The following GRM1 variants were observed in gnomAD, a reference collection of about 807,000 sequenced individuals.
GRM1 encodes metabotropic glutamate receptor 1.
In GRM1, 33 loss-of-function variants were observed where a neutral mutation model predicts 90.9. That is an observed-to-expected ratio of 0.36 (90% CI 0.28 to 0.49). The LOEUF (loss-of-function observed/expected upper bound fraction) is 0.49, where lower values mean the gene tolerates loss of function less well. GRM1 is among the 20% of genes least tolerant of loss of function. The pLI is 0.99. For synonymous variants in GRM1, 700 were observed against 613.2 expected (o/e 1.14, Z -2.09); for missense variants, 1,190 against 1,534.3 (o/e 0.78, Z 3.75).
chr6:146,262,364 C>G (rs1410736249), intron 2 of GRM1, among the ~76,000 whole-genome samples: 5 of 151,974 alleles, frequency 3.3e-5, no homozygotes, highest in Non-Finnish European at 7.4e-5. Flanking sequence ...CATCTCACAG[C>G]ATATACCAAA....
intron 1 of GRM1, among the ~76,000 whole-genome samples, chr6:146,147,863 T>C (rs1450212061): frequency 2.6e-5 from 4 of 152,064 alleles, no homozygotes; most frequent in Non-Finnish European, 5.9e-5. Context: ...CTCAGTCTCA[T>C]TGAGTCTTCA....
chr6:146,059,552 C>CT (rs1775592910), intron 1 of GRM1, among the ~76,000 whole-genome samples: 1 of 152,122 alleles, frequency 6.6e-6, no homozygotes, highest in South Asian at 2.1e-4. Flanking sequence ...AACTTAAAGT[C>CT]AACAGTTGCA....
At chr6:146,137,333 G>C (rs1250631198) in intron 1 of GRM1, among the ~76,000 whole-genome samples, 1 of 152,142 alleles carries the variant, frequency 6.6e-6, no homozygotes, top group Non-Finnish European at 1.5e-5. Flanking sequence ...ATTTTGGTTT[G>C]ATTATTGTAT....
chr6:146,080,579 C>T (rs892277134), intron 1 of GRM1, among the ~76,000 whole-genome samples: 1 of 152,086 alleles, frequency 6.6e-6, no homozygotes, highest in African/African-American at 2.4e-5. Flanking sequence ...GCAAGGGGCC[C>T]CTACCCTAGT....
intron 7 of GRM1, among the ~76,000 whole-genome samples, chr6:146,418,748 T>TATTCAGTC (rs201265219): frequency 0.018 from 2,792 of 152,252 alleles, 37 homozygotes; most frequent in South Asian, 0.028. Context: ...TGTTTTGATT[T>TATTCAGTC]ATTCAGTCAT....
chr6:146,042,779 A>G (rs942922308), intron 1 of GRM1, among the ~76,000 whole-genome samples: 4 of 151,998 alleles, frequency 2.6e-5, no homozygotes, highest in Admixed American at 1.3e-4. Flanking sequence ...AGTTACAAGC[A>G]AGAAGTCTCA....
intron 1 of GRM1, among the ~76,000 whole-genome samples, chr6:146,130,620 G>A (rs1365431059): frequency 6.6e-6 from 1 of 151,946 alleles, no homozygotes; most frequent in African/African-American, 2.4e-5. Context: ...AATTTATTCA[G>A]TATTTCCAGA....
In GRM1 at chr6:146,434,649, G is replaced by A; in HGVS notation, c.3438G>A (p.Thr1146=). ...KLTPDDSPAL[T]PPSPFRDSVA... ...CCCCGGATGATTCGCCTGCGCTGAC[G>A]CCTCCGTCGCCTTTCCGCGACTCGG... Residue 1146 remains threonine, a synonymous_variant, in exon 8 of 8, where the codon ACG becomes ACA. Coordinates refer to ENST00000282753, the MANE Select transcript of GRM1 (RefSeq NM_001278064.2). 6.2e-7 allele frequency: 1 copy of A among 1,609,620 alleles called. No homozygotes were observed. The highest frequency in any genetic ancestry group is 8.5e-7 in the Non-Finnish European group (1 of 1,180,006).
At chr6:146,091,806 C>T (rs541795067) in intron 1 of GRM1, among the ~76,000 whole-genome samples, 2 of 152,104 alleles carry the variant, frequency 1.3e-5, no homozygotes, top group South Asian at 4.1e-4. Flanking sequence ...TAATAGAATT[C>T]AGAAACAAAA....
chr6:146,268,195 G>C (rs1781989611), intron 2 of GRM1, among the ~76,000 whole-genome samples: 1 of 152,124 alleles, frequency 6.6e-6, no homozygotes, highest in African/African-American at 2.4e-5. Flanking sequence ...ACTTAGTAAG[G>C]TGTAAGTAAT....
Position 146,355,679 on chromosome 6 carries a change from C to A in GRM1, c.1434-1847C>A, listed in dbSNP as rs75855771. 7.1e-3 allele frequency among the ~76,000 whole-genome samples: 1,073 copies of A among 151,768 alleles called. 50 individuals are homozygous for A. The East Asian group carries it at 0.13, about 19-fold the overall frequency. ...CTAGATTGAAAAACAAACAAACAAACAAAAAAACTAGGCCAGATACAGCCA... is the reference window on the plus strand; with the variant it reads ...CTAGATTGAAAAACAAACAAACAAAAAAAAAAACTAGGCCAGATACAGCCA... On this transcript the variant is annotated intron_variant, in intron 4 of 7. Transcript: ENST00000282753.
At chr6:146,410,959 A>G (rs1777544671) in intron 7 of GRM1, among the ~76,000 whole-genome samples, 1 of 152,148 alleles carries the variant, frequency 6.6e-6, no homozygotes, top group Admixed American at 6.6e-5. Context: ...GCTGAAACAT[A>G]CCTCTTAAGA....
intron 2 of GRM1, among the ~76,000 whole-genome samples, chr6:146,285,204 A>C (rs945492639): frequency 2.0e-5 from 3 of 152,196 alleles, no homozygotes; most frequent in African/African-American, 7.2e-5. Flanking sequence ...CAAACTGAAC[A>C]CATTTCAGGC....
intron 3 of GRM1, among the ~76,000 whole-genome samples, chr6:146,325,905 C>T (rs1475060242): frequency 6.6e-6 from 1 of 152,164 alleles, no homozygotes; most frequent in Non-Finnish European, 1.5e-5. Flanking sequence ...AAAACATCCA[C>T]TTCCTTATAT....
In GRM1 at chr6:146,315,673, ATTTAT is replaced by A. The variant is rs377218740; in HGVS notation, c.1186+10832_1186+10836del. Among the ~76,000 whole-genome samples, 133 of 152,290 alleles carry A rather than the reference ATTTAT, an allele frequency of 8.7e-4. 1 individual carries two copies. The highest frequency in any genetic ancestry group is 3.1e-3 in the African/African-American group (128 of 41,570). ...CAGAATCTTTGGAGTGAGGCCAAGC[ATTTAT>A]TTTAAGGACAAGAAGAAATTCATAC... On this transcript the variant is annotated intron_variant, in intron 3 of 7. Transcript: ENST00000282753.
chr6:146,396,947 C>G (rs1776961037), intron 6 of GRM1, among the ~76,000 whole-genome samples: 1 of 152,128 alleles, frequency 6.6e-6, no homozygotes. Flanking sequence ...CCTAGGACAA[C>G]TACATAAATT....
intron 3 of GRM1, among the ~76,000 whole-genome samples, chr6:146,307,407 G>T (rs758482081): frequency 3.9e-5 from 6 of 152,074 alleles, no homozygotes; most frequent in Admixed American, 6.6e-5. Context: ...GTTTTATGCA[G>T]CAAAATTCTT....
chr6:146,120,150 C>T (rs1475287108), intron 1 of GRM1, among the ~76,000 whole-genome samples: 1 of 152,128 alleles, frequency 6.6e-6, no homozygotes, highest in African/African-American at 2.4e-5. Flanking sequence ...TTGAAGAGGC[C>T]TTTCACATCC....
At chr6:146,037,280 T>G (rs1026419037) in intron 1 of GRM1, among the ~76,000 whole-genome samples, 1 of 151,912 alleles carries the variant, frequency 6.6e-6, no homozygotes, top group African/African-American at 2.4e-5. Context: ...AACCTAGTAA[T>G]ATAAGATTAA....
Sources: allele counts gnomAD v4.1 joint callset (sites outside exome capture counted in the v4.1 genomes callset), GRCh38; gene constraint gnomAD v4.1.1; transcripts MANE v1.5; gene names NCBI Gene and HGNC (gene_info 2026-07-23, HGNC 2026-07-21).